Variants in METTL8 observed in about 807,000 individuals in gnomAD.
The protein encoded by METTL8 is tRNA N(3)-cytidine methyltransferase METTL8, mitochondrial.
In METTL8, 32 loss-of-function variants were observed where a neutral mutation model predicts 48.7. The ratio of observed to expected loss-of-function variants is 0.66; its 90% CI spans 0.50 to 0.88. The LOEUF is 0.88. Among genes scored for constraint, METTL8 ranks in the 40% least tolerant of loss-of-function variants. METTL8 has a pLI of 0.00. For missense variants in METTL8, 464 were observed against 474.4 expected, an observed-to-expected ratio of 0.98 and a Z score of 0.20; for synonymous variants, 136 against 157.1, an observed-to-expected ratio of 0.87 and a Z score of 1.01.
chr2:171,358,002 AG>A (rs1230782522), intron 3 of METTL8, among the ~76,000 whole-genome samples: 1 of 151,898 alleles, frequency 6.6e-6, no homozygotes. Context: ...TGGCCCCTAA[AG>A]TTTTTATAGA....
At chr2:171,365,618 C>T (rs1309643977) in intron 2 of METTL8, among the ~76,000 whole-genome samples, 1 of 152,174 alleles carries the variant, frequency 6.6e-6, no homozygotes. Flanking sequence ...TTCTCCAACA[C>T]AAAGTCATAT....
intron 3 of METTL8, among the ~76,000 whole-genome samples, chr2:171,349,874 T>C (rs941088881): frequency 1.6e-4 from 24 of 152,206 alleles, no homozygotes; most frequent in African/African-American, 5.1e-4. Context: ...TGATATATAA[T>C]AGATATAAAT....
intron 3 of METTL8, among the ~76,000 whole-genome samples, chr2:171,356,771 G>GTA (rs1040368471): frequency 2.6e-5 from 4 of 151,912 alleles, no homozygotes; most frequent in African/African-American, 7.2e-5. Context: ...ATTCCATTGT[G>GTA]TATATATACC....
rs199806994 is a variant in METTL8 at position 171,338,967 on chromosome 2, A to T, written c.606+217T>A. ...GAAAACAGACAATTTTTTTTTTTTT[A>T]AAAACCAGCAAAACCAGATTTAAAC... On this transcript the variant is annotated intron_variant, in intron 4 of 9. Transcript: ENST00000375258. 2.4e-3 allele frequency among the ~76,000 whole-genome samples: 366 copies of T among 150,892 alleles called. 8 individuals carry two copies. The East Asian group carries it at 0.029, about 12-fold the overall frequency.
chr2:171,366,858 C>T (rs138073970), intron 2 of METTL8, among the ~76,000 whole-genome samples: 3 of 145,102 alleles, frequency 2.1e-5, no homozygotes, highest in African/African-American at 7.7e-5. Flanking sequence ...CACACCACTC[C>T]AGCCTGGGTG....
In METTL8 at chr2:171,397,369, A is replaced by AAC. The variant is rs1232465479; in HGVS notation, c.-12-5173_-12-5172insGT. 3.1e-4 allele frequency among the ~76,000 whole-genome samples: 46 copies of AAC among 146,616 alleles called. 4 individuals are homozygous for AAC. Among genetic ancestry groups the AAC allele is most frequent in the Non-Finnish European group, 1.2e-4 (8 of 66,264 alleles). ...CCTGTCTCTAAAAAAAAAAAAAAAA[A>AAC]AAAAAAAAAACAACATCAACAACAA... On this transcript the variant is annotated intron_variant, in intron 1 of 9. Transcript: ENST00000375258.
At chr2:171,414,635 G>C (rs1691109341) in intron 1 of METTL8, 1 of 151,786 alleles carries the variant, frequency 6.6e-6, no homozygotes, top group Non-Finnish European at 1.5e-5. Flanking sequence ...GGCTGAGGCA[G>C]GAGGATGACT....
chr2:171,423,869 A>T (rs1026466709), intron 1 of METTL8, among the ~76,000 whole-genome samples: 3 of 152,208 alleles, frequency 2.0e-5, no homozygotes, highest in Non-Finnish European at 4.4e-5. Flanking sequence ...CACCAAGACA[A>T]TGGGGAAAAT....
intron 2 of METTL8, among the ~76,000 whole-genome samples, chr2:171,362,930 A>G (rs1224827091): frequency 6.6e-6 from 1 of 152,148 alleles, no homozygotes; most frequent in Admixed American, 6.6e-5. Context: ...TTATTGAAAA[A>G]ACAGTATTTC....
At chr2:171,372,926 T>C (rs1304603551) in intron 2 of METTL8, among the ~76,000 whole-genome samples, 1 of 152,252 alleles carries the variant, frequency 6.6e-6, no homozygotes, top group Non-Finnish European at 1.5e-5. Flanking sequence ...CTATTGTGAA[T>C]AGTGCCGCAA....
At chr2:171,420,126 G>A (rs1288325003) in intron 1 of METTL8, among the ~76,000 whole-genome samples, 4 of 152,098 alleles carry the variant, frequency 2.6e-5, no homozygotes, top group Non-Finnish European at 2.9e-5. Context: ...CAAGGTGGGC[G>A]GATCACTTGA....
intron 2 of METTL8, among the ~76,000 whole-genome samples, chr2:171,368,802 T>C (rs147164264): frequency 2.6e-4 from 39 of 152,146 alleles, no homozygotes; most frequent in African/African-American, 9.2e-4. Flanking sequence ...CTCGGGAGGC[T>C]GAGGCAGGAG....
intron 5 of METTL8, among the ~76,000 whole-genome samples, chr2:171,334,269 G>A (rs1180784828): frequency 1.3e-5 from 2 of 152,170 alleles, no homozygotes; most frequent in Admixed American, 1.3e-4. Flanking sequence ...CATATGCCAT[G>A]TGTCCTGCCA....
At chr2:171,356,985 T>C (rs1684650804) in intron 3 of METTL8, among the ~76,000 whole-genome samples, 1 of 123,684 alleles carries the variant, frequency 8.1e-6, no homozygotes, top group East Asian at 2.3e-4. Context: ...AGGGTCTTAC[T>C]CTGTCACCCA....
chr2:171,396,312 T>C (rs1689060873), intron 1 of METTL8, among the ~76,000 whole-genome samples: 1 of 151,920 alleles, frequency 6.6e-6, no homozygotes, highest in Non-Finnish European at 1.5e-5. Flanking sequence ...TCCCAAAGTA[T>C]TAAAATCATA....
chr2:171,427,355 T>C (rs1692521295), intron 1 of METTL8, among the ~76,000 whole-genome samples: 2 of 152,194 alleles, frequency 1.3e-5, no homozygotes, highest in African/African-American at 2.4e-5. Context: ...TCTATAGCCA[T>C]AATGACCTTT....
intron 1 of METTL8, among the ~76,000 whole-genome samples, chr2:171,419,684 T>C (rs1339366298): frequency 1.3e-5 from 2 of 152,146 alleles, no homozygotes; most frequent in Non-Finnish European, 2.9e-5. Flanking sequence ...ATTGCATACA[T>C]TTGTAATACA....
At chr2:171,395,138 AG>A (rs1688936559) in intron 1 of METTL8, among the ~76,000 whole-genome samples, 1 of 152,218 alleles carries the variant, frequency 6.6e-6, no homozygotes, top group South Asian at 2.1e-4. Flanking sequence ...ACCTTCTCTT[AG>A]CTCTCTTTTG....
At chr2:171,425,633 A>G (rs900439192) in intron 1 of METTL8, among the ~76,000 whole-genome samples, 1 of 152,210 alleles carries the variant, frequency 6.6e-6, no homozygotes, top group Non-Finnish European at 1.5e-5. Flanking sequence ...GTCGCAGATG[A>G]GACCACAGCC....
Sources: gnomAD v4.1 joint callset for allele counts (sites outside exome capture counted in the v4.1 genomes callset) on GRCh38, gnomAD v4.1.1 for gene constraint, MANE v1.5 for transcripts, NCBI Gene and HGNC (gene_info 2026-07-23, HGNC 2026-07-21) for gene names.